Variants in ANKAR observed in about 807,000 individuals in gnomAD.
ANKAR encodes the protein ankyrin and armadillo repeat containing, also known as ankyrin and armadillo repeat-containing protein.
In ANKAR, 136 loss-of-function variants were observed where a neutral mutation model predicts 146.2. The observed-to-expected ratio is 0.93, with a 90% CI of 0.81 to 1.07. The LOEUF is 1.07. ANKAR is among the 50% of genes least tolerant of loss of function. The pLI is 0.00. For missense variants in ANKAR, 1,567 were observed against 1,679.9 expected (o/e 0.93, Z 1.18); for synonymous variants, 500 against 575.8 (o/e 0.87, Z 1.88).
intron 2 of ANKAR, among the ~76,000 whole-genome samples, chr2:189,682,479 C>T (rs896923163): frequency 2.0e-5 from 3 of 152,044 alleles, no homozygotes; most frequent in African/African-American, 4.8e-5. Context: ...GGGAATCTCA[C>T]GGTGGCAGTA....
At chr2:189,743,527 T>C in intron 21 of ANKAR, 53 bp downstream of exon 21, 1 of 1,480,426 alleles carries the variant, frequency 6.8e-7, no homozygotes, top group African/African-American at 1.4e-5. Flanking sequence ...AGAGGAGACT[T>C]TAATGAGGTT....
At position 189,734,985 on chromosome 2, in the gene ANKAR, T is replaced by TATAC. The variant is rs779795834; in HGVS notation, c.3423+1759_3423+1760insCATA. Among the ~76,000 whole-genome samples the TATAC allele has an allele frequency of 6.0e-5, 9 of 150,362 alleles. No homozygotes were observed. The South Asian group carries it at 1.0e-3, about 17-fold the overall frequency. ...TCTCAAAAAAGAGAATATATATATA[T>TATAC]ATATATTTACAGTAGAGTAAAAAAA... On this transcript the variant is annotated intron_variant, in intron 17 of 22. Transcript: ENST00000684021.
chr2:189,714,810 G>T (rs1033138683), intron 10 of ANKAR, among the ~76,000 whole-genome samples: 2 of 151,996 alleles, frequency 1.3e-5, no homozygotes, highest in Non-Finnish European at 2.9e-5. Context: ...GCCAGGCGTG[G>T]TGGTGGGTAC....
chr2:189,761,576 A>C, downstream of ANKAR: 2 of 1,611,034 alleles, frequency 1.2e-6, no homozygotes, highest in East Asian at 2.2e-5. Context: ...ACTTCTTAAA[A>C]ATTCATAAAC....
At position 189,696,325 on chromosome 2, in the gene ANKAR, C is replaced by A; in HGVS notation, c.1664C>A (p.Ala555Asp). ...RVSIICQLCN[A>D]NFKVNQRRFV... ...TCTATTATATGTCAACTGTGCAATGCTAACTTCAAGGTCAACCAGAGGCGC... is the reference window on the plus strand; with the variant it reads ...TCTATTATATGTCAACTGTGCAATGATAACTTCAAGGTCAACCAGAGGCGC... The change falls in exon 7 of 23, where the codon GCT (alanine) becomes GAT (aspartate). Residue 555 changes from alanine to aspartate, a missense_variant. Ala to Asp is a moderately radical substitution (Grantham distance 126, BLOSUM62 -2). Transcript: ENST00000684021. 1 of 1,614,040 alleles carries A rather than the reference C, an allele frequency of 6.2e-7. No homozygotes were observed. The highest frequency in any genetic ancestry group is 8.5e-7 in the Non-Finnish European group (1 of 1,179,988).
chr2:189,746,391 C>A lies in ANKAR; in HGVS notation c.4069C>A (p.Arg1357=), dbSNP rs377665148. 1 of 1,604,680 alleles carries A rather than the reference C, an allele frequency of 6.2e-7. No individual in the cohort carries two copies. Among genetic ancestry groups the A allele is most frequent in the Non-Finnish European group, 8.5e-7 (1 of 1,177,412 alleles). ...IPIFKRGKEH[R]RKLKPKIQPK... is the part of the protein sequence containing the mutation. ...TGGCTAATTTTTAGGGAAGGAGCAC[C>A]GAAGAAAATTAAAACCTAAAATTCA... is the stretch of plus-strand genomic sequence containing the variant. The change falls in exon 23 of 23, where the codon CGA becomes AGA. Residue 1357 remains arginine, a synonymous_variant. Transcript: ENST00000684021.
chr2:189,702,214 G>GA (rs1252912310), intron 7 of ANKAR, among the ~76,000 whole-genome samples: 1 of 152,130 alleles, frequency 6.6e-6, no homozygotes, highest in Admixed American at 6.6e-5. Flanking sequence ...GTCTTGTTAA[G>GA]AACAGAATGC....
chr2:189,677,514 C>T (rs2033914384), intron 2 of ANKAR, among the ~76,000 whole-genome samples: 1 of 152,026 alleles, frequency 6.6e-6, no homozygotes, highest in South Asian at 2.1e-4. Flanking sequence ...AGCTTAGCTC[C>T]CACTTATAAG....
chr2:189,705,995 G>A (rs1329271615), intron 8 of ANKAR, among the ~76,000 whole-genome samples: 1 of 151,324 alleles, frequency 6.6e-6, no homozygotes, highest in Non-Finnish European at 1.5e-5. Context: ...TTGACAGTAT[G>A]AGGGACACCA....
chr2:189,697,468 C>T (rs906268902), intron 7 of ANKAR, among the ~76,000 whole-genome samples: 10 of 151,992 alleles, frequency 6.6e-5, no homozygotes, highest in South Asian at 4.1e-4. Flanking sequence ...TTTTTACAGA[C>T]GCCAAAACAA....
intron 17 of ANKAR, among the ~76,000 whole-genome samples, chr2:189,736,332 A>G (rs1225097): frequency 0.018 from 2,775 of 152,012 alleles, 96 homozygotes; most frequent in African/African-American, 0.064. Context: ...TGACCTTGAT[A>G]CACAAAGCAT....
In ANKAR at chr2:189,718,916, ATTTTTTGTATT is replaced by A. The variant is rs1484789803; in HGVS notation, c.2225-652_2225-642del. On this transcript the variant is annotated intron_variant, in intron 10 of 22. Transcript: ENST00000684021. ...AGGCGCCCGCCACCGCGCCCGGCTA[ATTTTTTGTATT>A]TTTAGTAGAGACGGGGTTTCACCTT... Among the ~76,000 whole-genome samples, 8 of 151,300 alleles carry A rather than the reference ATTTTTTGTATT, an allele frequency of 5.3e-5. 1 individual carries two copies. In the East Asian group the frequency reaches 1.6e-3, roughly 29 times the overall value.
At chr2:189,705,499 G>T (rs1404430245) in intron 8 of ANKAR, among the ~76,000 whole-genome samples, 1 of 152,138 alleles carries the variant, frequency 6.6e-6, no homozygotes, top group Non-Finnish European at 1.5e-5. Flanking sequence ...GAAGAATAAG[G>T]ACTAATCCCC....
chr2:189,688,768 A>G (rs1343002183), intron 2 of ANKAR, among the ~76,000 whole-genome samples: 1 of 152,196 alleles, frequency 6.6e-6, no homozygotes, highest in East Asian at 1.9e-4. Flanking sequence ...TGGGGTGGAG[A>G]CTTAACATAT....
At chr2:189,753,811 A>AT in intron 18 of ANKAR, 1 of 1,207,520 alleles carries the variant, frequency 8.3e-7, no homozygotes, top group Non-Finnish European at 1.2e-6. Context: ...CAGGGCTAGC[A>AT]TAAGGCATAA....
At chr2:189,748,096 G>GA (rs1224737648), downstream of ANKAR, among the ~76,000 whole-genome samples, 4 of 152,148 alleles carry the variant, frequency 2.6e-5, no homozygotes, top group African/African-American at 9.7e-5. Context: ...AGTAAGCATT[G>GA]AAAGTATATA....
intron 10 of ANKAR, among the ~76,000 whole-genome samples, chr2:189,715,782 A>G (rs2040383874): frequency 6.6e-6 from 1 of 152,248 alleles, no homozygotes; most frequent in Non-Finnish European, 1.5e-5. Flanking sequence ...GGCTGGTTCA[A>G]CATACGCAAA....
Position 189,720,713 on chromosome 2 carries a change from A to T in ANKAR, c.2561A>T (p.Asn854Ile). 6.6e-7 allele frequency: 1 copy of T among 1,521,378 alleles called. No individual in the cohort carries two copies. The highest frequency in any genetic ancestry group is 8.8e-7 in the Non-Finnish European group (1 of 1,138,754). 94.2% of individuals were successfully genotyped at this position (1,521,378 alleles called of 1,614,324 possible). A position where few individuals can be genotyped will look rare whatever the true frequency, so the allele number is the denominator to read the frequency against. Residue 854 changes from asparagine to isoleucine, a missense_variant, in exon 12 of 23, where the codon AAT becomes ATT. Asn to Ile is a moderately radical substitution (Grantham distance 149). Transcript: ENST00000684021. ...TGTATACGGGTATTGTGTATAGGAA[A>T]TGAAAACAATCAAAGAGCTGTGAGA... ...MNCIRVLCIG[N>I]ENNQRAVREH...
chr2:189,736,498 G>GAT (rs1559139068), intron 17 of ANKAR, among the ~76,000 whole-genome samples: 1 of 5,450 alleles, frequency 1.8e-4, no homozygotes, highest in African/African-American at 2.3e-4. Context: ...TAGGTGACTG[G>GAT]GTTTTGTGTG....
Sources: allele counts gnomAD v4.1 joint callset (sites outside exome capture counted in the v4.1 genomes callset), GRCh38; gene constraint gnomAD v4.1.1; transcripts MANE v1.5; gene names NCBI Gene and HGNC (gene_info 2026-07-23, HGNC 2026-07-21).